Variants in THADA observed in about 807,000 individuals in gnomAD.
THADA encodes the protein THADA armadillo repeat containing.
Under a neutral mutation model 219.8 loss-of-function variants are expected in THADA, and 213 were observed. The ratio of observed to expected loss-of-function variants is 0.97; its 90% CI spans 0.87 to 1.09. The LOEUF (loss-of-function observed/expected upper bound fraction) is 1.09. THADA is among the 50% of genes least tolerant of loss of function. THADA has a pLI of 0.00. For synonymous variants in THADA, 1,018 were observed against 828.9 expected, an observed-to-expected ratio of 1.23 and a Z score of -3.92; for missense variants, 2,956 against 2,311.3, an observed-to-expected ratio of 1.28 and a Z score of -5.72.
At chr2:43,493,463 C>T (rs1265964209) in intron 25 of THADA, among the ~76,000 whole-genome samples, 1 of 152,146 alleles carries the variant, frequency 6.6e-6, no homozygotes, top group Non-Finnish European at 1.5e-5. Flanking sequence ...CCACTGCACT[C>T]CAGCCTGGCG....
At chr2:43,558,310 A>C (rs992314762) in intron 16 of THADA, among the ~76,000 whole-genome samples, 5 of 152,184 alleles carry the variant, frequency 3.3e-5, no homozygotes, top group African/African-American at 1.2e-4. Context: ...AACTGTATTA[A>C]AAATTAATTA....
chr2:43,586,808 A>G, intron 5 of THADA, 46 bp downstream of exon 5: 3 of 1,612,172 alleles, frequency 1.9e-6, no homozygotes, highest in Non-Finnish European at 8.5e-7. Context: ...CTATGATGTG[A>G]TGAGAGGGGT....
chr2:43,295,951 G>C (rs922076288), intron 31 of THADA, among the ~76,000 whole-genome samples: 1 of 138,338 alleles, frequency 7.2e-6, no homozygotes, highest in Non-Finnish European at 1.5e-5. Context: ...ATGGAGTCTC[G>C]CTCTGTCGCC....
At chr2:43,413,670 A>G (rs1272409064) in intron 28 of THADA, among the ~76,000 whole-genome samples, 1 of 152,200 alleles carries the variant, frequency 6.6e-6, no homozygotes, top group East Asian at 1.9e-4. Flanking sequence ...GTTCAGAGTC[A>G]ATCATTTTCA....
intron 17 of THADA, among the ~76,000 whole-genome samples, chr2:43,553,476 C>G (rs748033290): frequency 6.6e-6 from 1 of 152,152 alleles, no homozygotes; most frequent in Non-Finnish European, 1.5e-5. Context: ...GAGCACACAG[C>G]AACATGGCCA....
intron 34 of THADA, among the ~76,000 whole-genome samples, chr2:43,290,519 C>T (rs1056045363): frequency 3.3e-5 from 5 of 152,312 alleles, no homozygotes; most frequent in African/African-American, 1.2e-4. Flanking sequence ...ATGAAGTCTT[C>T]TTCAGCCTCT....
At chr2:43,590,467 G>C (rs1185983155) in intron 4 of THADA, among the ~76,000 whole-genome samples, 1 of 151,778 alleles carries the variant, frequency 6.6e-6, no homozygotes, top group Non-Finnish European at 1.5e-5. Flanking sequence ...ACAAGGTCAG[G>C]AGATCAAGAC....
chr2:43,482,542 T>A (rs1686356711), intron 26 of THADA, among the ~76,000 whole-genome samples: 1 of 152,202 alleles, frequency 6.6e-6, no homozygotes, highest in South Asian at 2.1e-4. Flanking sequence ...CCAGAGAGGT[T>A]GGCTATTTTG....
chr2:43,313,844 G>A (rs1005598468), intron 31 of THADA, among the ~76,000 whole-genome samples: 1 of 152,206 alleles, frequency 6.6e-6, no homozygotes, highest in African/African-American at 2.4e-5. Context: ...CCTGACTCTG[G>A]CCCTGGTTGT....
intron 28 of THADA, among the ~76,000 whole-genome samples, chr2:43,415,875 A>G (rs568697539): frequency 1.6e-3 from 246 of 150,380 alleles, no homozygotes; most frequent in Non-Finnish European, 2.4e-3. Flanking sequence ...ACGCAGCAGA[A>G]TGCAAATCTC....
chr2:43,242,051 C>T (rs1668675195), intron 36 of THADA, among the ~76,000 whole-genome samples: 1 of 152,258 alleles, frequency 6.6e-6, no homozygotes, highest in African/African-American at 2.4e-5. Context: ...GCCTGCCGGC[C>T]TGTCCCTCAG....
At chr2:43,416,222 TTATTGTCTGAAAA>T (rs2104774710) in intron 28 of THADA, among the ~76,000 whole-genome samples, 1 of 152,328 alleles carries the variant, frequency 6.6e-6, no homozygotes, top group Non-Finnish European at 1.5e-5. Context: ...AAAAGACAGA[TTATTGTCTGAAAA>T]TATTGTCTGT....
chr2:43,587,023 T>C (rs925398148), intron 4 of THADA, 21 bp from the exon 5 acceptor site: 2 of 1,605,562 alleles, frequency 1.2e-6, no homozygotes, highest in Non-Finnish European at 1.7e-6. Flanking sequence ...AAACAAATAT[T>C]AAAAATCTGA....
chr2:43,503,321 G>C (rs1689260131), intron 24 of THADA, among the ~76,000 whole-genome samples: 1 of 152,216 alleles, frequency 6.6e-6, no homozygotes. Context: ...TCCATTCACA[G>C]AAGGGATGAA....
At chr2:43,590,999 G>C (rs1701501794) in intron 3 of THADA, 45 bp from the exon 4 acceptor site, 2 of 1,564,000 alleles carry the variant, frequency 1.3e-6, no homozygotes, top group Non-Finnish European at 1.8e-6. Context: ...ATCAAATATA[G>C]CAAAGTAACA....
At chr2:43,576,367 G>A (rs1257920678) in intron 10 of THADA, among the ~76,000 whole-genome samples, 1 of 152,158 alleles carries the variant, frequency 6.6e-6, no homozygotes, top group African/African-American at 2.4e-5. Context: ...ACAGCCCCAT[G>A]AAGTCAGAAG....
chr2:43,281,418 C>T (rs1020048063), intron 35 of THADA, among the ~76,000 whole-genome samples: 4 of 151,034 alleles, frequency 2.6e-5, no homozygotes, highest in Admixed American at 6.6e-5. Flanking sequence ...TTTGCTGTGC[C>T]CTTGACTTTT....
rs1488097955 is a variant in THADA, at chr2:43,474,189, G to C, written c.3836+11045C>G. ...TTAGTGTCATATGGATAGAGCAAAA[G>C]AAGGAAGAAAGATACAGAAATAGAT... On this transcript the variant is annotated intron_variant, in intron 26 of 37. Transcript: ENST00000405975. Among the ~76,000 whole-genome samples, 58 of 152,172 alleles carry C rather than the reference G, an allele frequency of 3.8e-4. 1 individual carries two copies. Among genetic ancestry groups the C allele is most frequent in the Admixed American group, 3.8e-3 (58 of 15,276 alleles).
chr2:43,352,642 T>A (rs1173677878), intron 29 of THADA, among the ~76,000 whole-genome samples: 1 of 152,008 alleles, frequency 6.6e-6, no homozygotes, highest in Non-Finnish European at 1.5e-5. Flanking sequence ...ATTGTGTATA[T>A]TTAAGGTATA....
Sources: gnomAD v4.1 joint callset for allele counts (sites outside exome capture counted in the v4.1 genomes callset) on GRCh38, gnomAD v4.1.1 for gene constraint, MANE v1.5 for transcripts, NCBI Gene and HGNC (gene_info 2026-07-23, HGNC 2026-07-21) for gene names.